ZMAT4: variants seen among roughly 807,000 people sequenced by gnomAD.
ZMAT4 encodes the protein zinc finger matrin-type 4.
A neutral mutation model predicts 28.7 loss-of-function variants in ZMAT4; 17 were observed. That is an observed-to-expected ratio of 0.59 (90% confidence interval 0.41 to 0.89). The LOEUF (loss-of-function observed/expected upper bound fraction) is 0.89. Among genes scored for constraint, ZMAT4 ranks in the 40% least tolerant of loss-of-function variants. The probability of loss-of-function intolerance (pLI) is 0.00; values close to 1 mark genes in which losing one functional copy is unlikely to be tolerated. For synonymous variants in ZMAT4, 117 were observed against 109.2 expected (o/e 1.07, Z -0.44); for missense variants, 240 against 283.8 (o/e 0.85, Z 1.11).
chr8:40,865,084 C>A (rs1817629508), intron 1 of ZMAT4, among the ~76,000 whole-genome samples: 1 of 152,094 alleles, frequency 6.6e-6, no homozygotes, highest in African/African-American at 2.4e-5. Context: ...AATTTTGATG[C>A]AAGATTCCCT....
intron 5 of ZMAT4, among the ~76,000 whole-genome samples, chr8:40,647,862 G>T (rs1807415854): frequency 6.6e-6 from 1 of 152,152 alleles, no homozygotes; most frequent in Non-Finnish European, 1.5e-5. Context: ...GCAGCTGAGG[G>T]TCCTGTCTGT....
intron 3 of ZMAT4, among the ~76,000 whole-genome samples, chr8:40,707,152 G>A (rs114481666): frequency 6.6e-6 from 1 of 151,896 alleles, no homozygotes; most frequent in Non-Finnish European, 1.5e-5. Context: ...AGGCTTCCCC[G>A]GGACATCCCA....
intron 2 of ZMAT4, among the ~76,000 whole-genome samples, chr8:40,800,446 A>T (rs1278408698): frequency 6.6e-6 from 1 of 152,192 alleles, no homozygotes; most frequent in Admixed American, 6.5e-5. Context: ...CACATTCTCA[A>T]ACTTATTTAG....
chr8:40,770,272 G>A (rs1464565589), intron 2 of ZMAT4, among the ~76,000 whole-genome samples: 1 of 152,198 alleles, frequency 6.6e-6, no homozygotes, highest in Non-Finnish European at 1.5e-5. Flanking sequence ...CTTCCAGCAG[G>A]AAGTGAAAAT....
chr8:40,735,893 G>T (rs1811742434), intron 3 of ZMAT4, among the ~76,000 whole-genome samples: 1 of 152,080 alleles, frequency 6.6e-6, no homozygotes, highest in Non-Finnish European at 1.5e-5. Flanking sequence ...ACGGGGAGTG[G>T]GAGTGACTTG....
At chr8:40,582,459 AGCCTGGAT>A (rs1309074595) in intron 5 of ZMAT4, among the ~76,000 whole-genome samples, 4 of 152,140 alleles carry the variant, frequency 2.6e-5, no homozygotes, top group African/African-American at 9.7e-5. Flanking sequence ...CCTGGATGAC[AGCCTGGAT>A]GACAGAGTGA....
At chr8:40,890,912 G>A (rs1818644825) in intron 1 of ZMAT4, among the ~76,000 whole-genome samples, 1 of 151,888 alleles carries the variant, frequency 6.6e-6, no homozygotes, top group Admixed American at 6.6e-5. Flanking sequence ...TCCCATTCAG[G>A]TGTTCCTCAC....
intron 3 of ZMAT4, among the ~76,000 whole-genome samples, chr8:40,744,394 T>A (rs1172670629): frequency 2.6e-5 from 4 of 152,200 alleles, no homozygotes; most frequent in African/African-American, 9.7e-5. Context: ...GGCTTAGTCA[T>A]CACGCTGGCT....
At chr8:40,569,078 A>G (rs931198934) in intron 6 of ZMAT4, among the ~76,000 whole-genome samples, 1 of 152,228 alleles carries the variant, frequency 6.6e-6, no homozygotes, top group African/African-American at 2.4e-5. Flanking sequence ...ATGGGATTAA[A>G]TTAAATGGGA....
chr8:40,632,456 A>G (rs1433676312), intron 5 of ZMAT4, among the ~76,000 whole-genome samples: 1 of 152,326 alleles, frequency 6.6e-6, no homozygotes, highest in East Asian at 1.9e-4. Context: ...GGACTCCCAG[A>G]GGATATGTCC....
At chr8:40,820,598 G>A (rs2150605414) in intron 2 of ZMAT4, among the ~76,000 whole-genome samples, 1 of 99,352 alleles carries the variant, frequency 1.0e-5, no homozygotes, top group South Asian at 4.0e-4. Flanking sequence ...ATCTGTATGT[G>A]GGAGTGCATG....
At chr8:40,615,841 A>G (rs1366297925) in intron 5 of ZMAT4, among the ~76,000 whole-genome samples, 2 of 152,148 alleles carry the variant, frequency 1.3e-5, no homozygotes, top group Admixed American at 6.5e-5. Context: ...ATCTTTTTTC[A>G]ATGTTTTTAG....
intron 6 of ZMAT4, among the ~76,000 whole-genome samples, chr8:40,565,810 T>C (rs1265650320): frequency 2.7e-5 from 4 of 150,790 alleles, no homozygotes; most frequent in African/African-American, 4.9e-5. Flanking sequence ...TTGCCAGTGA[T>C]AACTTGGGCT....
intron 1 of ZMAT4, among the ~76,000 whole-genome samples, chr8:40,846,351 T>C (rs565694619): frequency 1.3e-5 from 2 of 152,260 alleles, no homozygotes; most frequent in South Asian, 4.2e-4. Flanking sequence ...TAAATTCTTC[T>C]GGGACACACA....
At chr8:40,752,269 T>TA (rs1368874092) in intron 3 of ZMAT4, among the ~76,000 whole-genome samples, 5 of 152,210 alleles carry the variant, frequency 3.3e-5, no homozygotes, top group Non-Finnish European at 7.3e-5. Flanking sequence ...AGGGTGCCTC[T>TA]AGCCTGTGTC....
intron 5 of ZMAT4, among the ~76,000 whole-genome samples, chr8:40,618,389 G>C (rs1585767040): frequency 6.6e-6 from 1 of 152,050 alleles, no homozygotes; most frequent in African/African-American, 2.4e-5. Flanking sequence ...AGAGGGGCTG[G>C]GGAAACAGTG....
At chr8:40,657,790 GTTTCCAAGA>G (rs1807992877) in intron 5 of ZMAT4, among the ~76,000 whole-genome samples, 2 of 152,148 alleles carry the variant, frequency 1.3e-5, no homozygotes, top group African/African-American at 2.4e-5. Flanking sequence ...TAAAGTCTCA[GTTTCCAAGA>G]ACTTATTGAA....
chr8:40,629,654 G>T (rs1033235526), intron 5 of ZMAT4, among the ~76,000 whole-genome samples: 9 of 150,396 alleles, frequency 6.0e-5, no homozygotes, highest in African/African-American at 2.2e-4. Context: ...AGAACATGCG[G>T]TGTTTGGTTT....
chr8:40,641,511 A>G (rs1807024182), intron 5 of ZMAT4, among the ~76,000 whole-genome samples: 1 of 152,176 alleles, frequency 6.6e-6, no homozygotes, highest in Non-Finnish European at 1.5e-5. Context: ...TTATTCTTTT[A>G]TTTTTTAAGC....
Sources: allele counts gnomAD v4.1 joint callset (sites outside exome capture counted in the v4.1 genomes callset), GRCh38; gene constraint gnomAD v4.1.1; transcripts MANE v1.5; gene names NCBI Gene and HGNC (gene_info 2026-07-23, HGNC 2026-07-21).